The following UFD1 variants were observed in gnomAD, a reference collection of about 807,000 sequenced individuals.
UFD1 encodes the protein ubiquitin recognition factor in ER associated degradation 1.
In UFD1, 13 loss-of-function variants were observed where a neutral mutation model predicts 45.9. The ratio of observed to expected loss-of-function variants is 0.28; its 90% confidence interval spans 0.18 to 0.45. UFD1 has a LOEUF of 0.45. Ranked by LOEUF, UFD1 falls within the 20% of genes least tolerant of loss-of-function variation. The pLI is 1.00. For missense variants in UFD1, 218 were observed against 389.2 expected, an observed-to-expected ratio of 0.56 and a Z score of 3.70; for synonymous variants, 128 against 139.2, an observed-to-expected ratio of 0.92 and a Z score of 0.56.
intron 2 of UFD1, 147 bp downstream of exon 2, chr22:19,475,323 C>G (rs2089873821): frequency 1.5e-6 from 2 of 1,315,022 alleles, no homozygotes; most frequent in African/African-American, 1.5e-5. Flanking sequence ...CCCACCCCAA[C>G]AGAGCAAGTC....
At chr22:19,458,180 C>A in intron 6 of UFD1, 41 bp from the exon 7 acceptor site, 2 of 1,610,868 alleles carry the variant, frequency 1.2e-6, no homozygotes, top group Non-Finnish European at 1.7e-6. Flanking sequence ...GGTTTCCTGG[C>A]AGCACTGGAG....
chr22:19,474,801 G>C (rs1195649287), intron 3 of UFD1, among the ~76,000 whole-genome samples: 1 of 152,170 alleles, frequency 6.6e-6, no homozygotes, highest in Non-Finnish European at 1.5e-5. Context: ...TGGAGGTGGT[G>C]ATCAGGAAGG....
rs777109877 is a variant in UFD1 at position 19,479,133 on chromosome 22, A to G, written c.-48T>C. 6.2e-7 allele frequency: 1 copy of G among 1,606,154 alleles called. No homozygotes were observed. Among genetic ancestry groups the G allele is most frequent in the South Asian group, 1.1e-5 (1 of 90,106 alleles). ...CCGCTCCTCTCAGGCAATGCAACGA[A>G]GAAACCCCGCCGACCGCTCTCCCAG... is the stretch of plus-strand genomic sequence containing the variant. On this transcript the variant is annotated 5_prime_UTR_variant, in exon 1 of 12. Transcript: ENST00000263202.
intron 6 of UFD1, among the ~76,000 whole-genome samples, chr22:19,460,853 C>T (rs894254362): frequency 2.6e-5 from 4 of 151,754 alleles, no homozygotes; most frequent in African/African-American, 7.3e-5. Context: ...TCAACTGATC[C>T]TCCCGCCTCA....
chr22:19,468,869 G>A (rs571455668), intron 4 of UFD1, among the ~76,000 whole-genome samples: 2 of 152,246 alleles, frequency 1.3e-5, no homozygotes, highest in East Asian at 3.9e-4. Flanking sequence ...ATGTTTCATC[G>A]GGAGTGGCAG....
intron 11 of UFD1, chr22:19,451,698 T>C (rs1253536261): frequency 1.0e-6 from 1 of 985,374 alleles, no homozygotes; most frequent in East Asian, 1.1e-4. Context: ...ATTTATGTGG[T>C]CACATTCATG....
At chr22:19,453,263 C>A in intron 11 of UFD1, 5 of 985,474 alleles carry the variant, frequency 5.1e-6, no homozygotes, top group Non-Finnish European at 6.0e-6. Context: ...TTTCTATGGT[C>A]TACTAAGGTA....
chr22:19,456,703 C>T, intron 8 of UFD1, 69 bp from the exon 9 acceptor site: 20 of 1,613,584 alleles, frequency 1.2e-5, no homozygotes, highest in Non-Finnish European at 1.7e-5. Context: ...CACCCCCACC[C>T]CCGGCTAGGA....
intron 4 of UFD1, among the ~76,000 whole-genome samples, chr22:19,469,121 C>A (rs1219298155): frequency 6.6e-6 from 1 of 152,174 alleles, no homozygotes; most frequent in Non-Finnish European, 1.5e-5. Flanking sequence ...GGTCACTCTA[C>A]CAAATGCCAC....
intron 2 of UFD1, 136 bp downstream of exon 2, chr22:19,475,334 A>G (rs1206058457): frequency 7.3e-7 from 1 of 1,368,552 alleles, no homozygotes; most frequent in African/African-American, 1.5e-5. Flanking sequence ...AGAGCAAGTC[A>G]GGGATAAATC....
intron 4 of UFD1, chr22:19,471,442 C>T (rs560399953): frequency 2.2e-5 from 16 of 738,002 alleles, no homozygotes; most frequent in South Asian, 1.1e-4. Context: ...AGTTCAGCTG[C>T]GCAACTATCA....
chr22:19,468,794 C>CA (rs1360525252), intron 4 of UFD1, among the ~76,000 whole-genome samples: 1 of 152,200 alleles, frequency 6.6e-6, no homozygotes, highest in Non-Finnish European at 1.5e-5. Context: ...AGCACTACCT[C>CA]ACACCCAGTC....
chr22:19,454,689 C>A lies in UFD1; in HGVS notation c.849+60G>T. On this transcript the variant is annotated intron_variant, in intron 11 of 11. Coordinates refer to ENST00000263202, the MANE Select transcript of UFD1 (RefSeq NM_005659.7). ...TACTCAGAATGCCAAGAACTTCAGT[C>A]ATCACTAGCAAATAAATCTCCTCAT... The A allele has an allele frequency of 1.9e-6, 3 of 1,611,362 alleles. No homozygotes were observed. In the South Asian group the frequency reaches 3.3e-5, roughly 18 times the overall value.
chr22:19,459,465 A>G lies in UFD1; in HGVS notation c.496-1326T>C, dbSNP rs113737318. ...CCGTCTCTACTAAAAAATACAAAAA[A>G]TTAGCTGGGAGTGGTGGCAGGTGCC... On this transcript the variant is annotated intron_variant, in intron 6 of 11. Coordinates refer to ENST00000263202, the MANE Select transcript of UFD1 (RefSeq NM_005659.7). 1.3e-3 allele frequency among the ~76,000 whole-genome samples: 205 copies of G among 152,220 alleles called. 1 individual carries two copies. Among genetic ancestry groups the G allele is most frequent in the African/African-American group, 4.5e-3 (187 of 41,550 alleles).
chr22:19,476,657 AT>A (rs1484660873), intron 1 of UFD1, among the ~76,000 whole-genome samples: 1 of 148,878 alleles, frequency 6.7e-6, no homozygotes, highest in Non-Finnish European at 1.5e-5. Context: ...AAATCTATAC[AT>A]ACTATGTTTT....
rs2089671743 is a variant in UFD1, at chr22:19,450,434, AGCTATCTACAG to A, written c.*225_*235del. The A allele has an allele frequency of 9.9e-6, 5 of 502,940 alleles. No homozygotes were observed. The highest frequency in any genetic ancestry group is 1.8e-5 in the Non-Finnish European group (5 of 282,232). The allele number at this position is 502,940 out of a possible 1,614,324, so 31.2% of individuals were successfully genotyped here. On this transcript the variant is annotated 3_prime_UTR_variant, in exon 12 of 12. Transcript: ENST00000263202. The stretch of plus-strand genomic sequence containing the variant: ...TGAAAGCGTGAAGAGGTGAGGAGGC[AGCTATCTACAG>A]GCCCTCAGGGACAGCTCTTTGTCTT...
intron 6 of UFD1, 81 bp from the exon 7 acceptor site, chr22:19,458,220 C>T: frequency 1.4e-6 from 2 of 1,472,092 alleles, no homozygotes; most frequent in Non-Finnish European, 1.9e-6. Flanking sequence ...TGTGGCTCTA[C>T]TGGCTCCTGC....
At position 19,450,473 on chromosome 22, in the gene UFD1, C is replaced by T; in HGVS notation, c.*197G>A. ...CCTCAGGGACAGCTCTTTGTCTTTC[C>T]CCAAATCAAGCATACAACTACAAAG... On this transcript the variant is annotated 3_prime_UTR_variant, in exon 12 of 12. Coordinates refer to ENST00000263202, the MANE Select transcript of UFD1 (RefSeq NM_005659.7). 1 of 662,748 alleles carries T rather than the reference C, an allele frequency of 1.5e-6. No individual in the cohort carries two copies. Among genetic ancestry groups the T allele is most frequent in the Non-Finnish European group, 2.5e-6 (1 of 407,378 alleles). 41.1% of individuals were successfully genotyped at this position (662,748 alleles called of 1,614,324 possible).
At chr22:19,454,496 T>G in intron 11 of UFD1, 2 of 819,162 alleles carry the variant, frequency 2.4e-6, no homozygotes, top group East Asian at 4.3e-5. Flanking sequence ...GCACCAGCTT[T>G]TTCTCTGCCT....
Sources: allele counts gnomAD v4.1 joint callset (sites outside exome capture counted in the v4.1 genomes callset), GRCh38; gene constraint gnomAD v4.1.1; transcripts MANE v1.5; gene names NCBI Gene and HGNC (gene_info 2026-07-23, HGNC 2026-07-21).